Variants in CALN1 observed in about 807,000 individuals in gnomAD.
The protein encoded by CALN1 is calcium-binding protein 8.
In CALN1, 17 loss-of-function variants were observed where a neutral mutation model predicts 30.6. That is an observed-to-expected ratio of 0.56 (90% CI 0.38 to 0.83). The LOEUF (loss-of-function observed/expected upper bound fraction) is 0.83, where lower values mean the gene tolerates loss of function less well. Ranked by LOEUF, CALN1 falls within the 40% of genes least tolerant of loss-of-function variation. The pLI, the probability that CALN1 is intolerant of heterozygous loss-of-function variation, is 0.00. For missense variants in CALN1, 291 were observed against 354.9 expected (o/e 0.82, Z 1.45); for synonymous variants, 156 against 131.4 (o/e 1.19, Z -1.28).
At chr7:71,984,516 C>A (rs1562956093) in intron 5 of CALN1, among the ~76,000 whole-genome samples, 2 of 152,216 alleles carry the variant, frequency 1.3e-5, no homozygotes, top group African/African-American at 4.8e-5. Context: ...CCCCCACGCA[C>A]TGGAGAGAAC....
chr7:72,150,842 T>C (rs916244258), intron 3 of CALN1, among the ~76,000 whole-genome samples: 3 of 151,806 alleles, frequency 2.0e-5, no homozygotes, highest in African/African-American at 7.3e-5. Context: ...CAGCATAGAG[T>C]AGATGCTCAA....
At chr7:71,793,613 C>T (rs10241320) in intron 6 of CALN1, among the ~76,000 whole-genome samples, 16,293 of 151,624 alleles carry the variant, frequency 0.11, 998 homozygotes, top group East Asian at 0.24. Flanking sequence ...GGCTCACACC[C>T]GTAATCCCAG....
intron 3 of CALN1, among the ~76,000 whole-genome samples, chr7:72,248,256 A>T (rs540730855): frequency 2.0e-5 from 3 of 152,272 alleles, no homozygotes; most frequent in Admixed American, 6.5e-5. Context: ...CTGGGATTAC[A>T]AGTGCTCGCC....
chr7:72,336,799 G>C, intron 2 of CALN1: 2 of 985,040 alleles, frequency 2.0e-6, no homozygotes, highest in Non-Finnish European at 2.4e-6. Context: ...GGGCGGTGCG[G>C]AATGGATGCG....
At chr7:72,235,100 C>T (rs2129550882) in intron 3 of CALN1, among the ~76,000 whole-genome samples, 1 of 152,060 alleles carries the variant, frequency 6.6e-6, no homozygotes, top group Non-Finnish European at 1.5e-5. Flanking sequence ...TAGCGAGACT[C>T]TGTCTCTGCC....
At chr7:72,366,560 C>G (rs973753494) in intron 2 of CALN1, among the ~76,000 whole-genome samples, 5 of 151,896 alleles carry the variant, frequency 3.3e-5, no homozygotes, top group Non-Finnish European at 5.9e-5. Flanking sequence ...GTGCTGAATT[C>G]TGAGATTTTA....
chr7:72,236,462 A>T (rs137989756), intron 3 of CALN1, among the ~76,000 whole-genome samples: 124 of 152,314 alleles, frequency 8.1e-4, no homozygotes, highest in African/African-American at 2.7e-3. Context: ...ATGGAGGCTC[A>T]TATATGTTCG....
intron 3 of CALN1, among the ~76,000 whole-genome samples, chr7:72,237,837 A>T (rs1794568940): frequency 6.6e-6 from 1 of 152,242 alleles, no homozygotes; most frequent in South Asian, 2.1e-4. Context: ...CAAGGGAATG[A>T]GGCATGTTTA....
chr7:72,047,681 T>C (rs1802558472), intron 4 of CALN1, among the ~76,000 whole-genome samples: 1 of 152,166 alleles, frequency 6.6e-6, no homozygotes, highest in Non-Finnish European at 1.5e-5. Flanking sequence ...AAAGCCTACC[T>C]GGGACGCGCT....
At chr7:72,335,846 G>T (rs1183110853) in intron 2 of CALN1, among the ~76,000 whole-genome samples, 1 of 152,214 alleles carries the variant, frequency 6.6e-6, no homozygotes, top group Non-Finnish European at 1.5e-5. Flanking sequence ...AGCCCGTCTG[G>T]ATGGGGCGTC....
intron 5 of CALN1, among the ~76,000 whole-genome samples, chr7:71,992,706 T>C (rs1431681915): frequency 1.3e-5 from 2 of 152,218 alleles, no homozygotes; most frequent in Non-Finnish European, 2.9e-5. Flanking sequence ...TCTCTGGAGT[T>C]TGTGTTTCCT....
chr7:72,220,041 T>C (rs1443193950), intron 3 of CALN1, among the ~76,000 whole-genome samples: 1 of 152,062 alleles, frequency 6.6e-6, no homozygotes, highest in Non-Finnish European at 1.5e-5. Context: ...ATAATTTTTT[T>C]TGTTTTATTA....
At chr7:72,054,456 T>C (rs13235974) in intron 4 of CALN1, among the ~76,000 whole-genome samples, 52,582 of 113,694 alleles carry the variant, frequency 0.46, 13,899 homozygotes, top group East Asian at 0.96. Flanking sequence ...TACATATATA[T>C]ACATATATAT....
intron 5 of CALN1, among the ~76,000 whole-genome samples, chr7:71,823,071 C>T (rs1788684726): frequency 2.0e-5 from 3 of 152,106 alleles, no homozygotes; most frequent in African/African-American, 7.2e-5. Context: ...TACCTTTCTC[C>T]CCTTCTCTCA....
At chr7:72,455,218 CTTGAGCCCAGGAGT>C in the CALN1 span, among the ~76,000 whole-genome samples, 1 of 151,900 alleles carries the variant, frequency 6.6e-6, no homozygotes, top group African/African-American at 2.4e-5. Context: ...AGGAAGATCA[CTTGAGCCCAGGAGT>C]TTGAAGCTGC....
rs758983007 is a variant in CALN1, at chr7:71,787,242, T to TG, written c.*532dup. 4 of 154,708 alleles carry TG rather than the reference T, an allele frequency of 2.6e-5. No individual in the cohort carries two copies. Among genetic ancestry groups the TG allele is most frequent in the East Asian group, 3.8e-4 (2 of 5,202 alleles). 9.6% of individuals were successfully genotyped at this position (154,708 alleles called of 1,614,324 possible). ...ACTTAATGGCTTTCCCCTCATGCCT[T>TG]GGGGGGGTCTCCACTGGGTGGAGGA... On this transcript the variant is annotated 3_prime_UTR_variant, in exon 7 of 7. Coordinates refer to ENST00000395275, the MANE Select transcript of CALN1 (RefSeq NM_031468.4).
intron 5 of CALN1, among the ~76,000 whole-genome samples, chr7:71,941,118 G>A (rs530691227): frequency 6.6e-6 from 1 of 152,188 alleles, no homozygotes; most frequent in Admixed American, 6.5e-5. Flanking sequence ...AGGCCAAGGT[G>A]GGCGGATCAC....
chr7:72,075,864 G>A (rs1374644431), intron 4 of CALN1, among the ~76,000 whole-genome samples: 1 of 152,174 alleles, frequency 6.6e-6, no homozygotes, highest in East Asian at 1.9e-4. Flanking sequence ...ACAGCAGAGA[G>A]AACAAATGTG....
chr7:72,325,864 C>T (rs1445851817), intron 2 of CALN1, among the ~76,000 whole-genome samples: 5 of 152,038 alleles, frequency 3.3e-5, no homozygotes, highest in African/African-American at 9.7e-5. Context: ...ACCTCTCTGC[C>T]GCTTGACATC....
Sources: gnomAD v4.1 joint callset for allele counts (sites outside exome capture counted in the v4.1 genomes callset) on GRCh38, gnomAD v4.1.1 for gene constraint, MANE v1.5 for transcripts, NCBI Gene and HGNC (gene_info 2026-07-23, HGNC 2026-07-21) for gene names.